The following CRISPLD1 variants were observed in gnomAD, a reference collection of about 807,000 sequenced individuals.
CRISPLD1 encodes cysteine-rich secretory protein LCCL domain-containing 1.
CRISPLD1 carries 60 observed loss-of-function variants against 77.5 expected under a neutral mutation model. That is an observed-to-expected ratio of 0.77 (90% CI 0.63 to 0.96). The LOEUF (loss-of-function observed/expected upper bound fraction) is 0.96. Among genes scored for constraint, CRISPLD1 ranks in the 40% least tolerant of loss-of-function variants. The probability of loss-of-function intolerance (pLI) is 0.00; values close to 1 mark genes in which losing one functional copy is unlikely to be tolerated. For synonymous variants in CRISPLD1, 195 were observed against 200.1 expected (o/e 0.97, Z 0.22); for missense variants, 623 against 615.8 (o/e 1.01, Z -0.12).
intron 2 of CRISPLD1, among the ~76,000 whole-genome samples, chr8:75,003,918 A>G: frequency 6.6e-6 from 1 of 152,196 alleles, no homozygotes. Flanking sequence ...ATGTAATATT[A>G]AATGTGATAT....
chr8:75,009,050 T>G (rs922776699), intron 2 of CRISPLD1, among the ~76,000 whole-genome samples: 24 of 152,198 alleles, frequency 1.6e-4, no homozygotes, highest in African/African-American at 4.6e-4. Flanking sequence ...CACCTAAGAT[T>G]GTAGAATCGT....
intron 2 of CRISPLD1, chr8:75,000,246 A>T: frequency 2.0e-6 from 2 of 985,290 alleles, no homozygotes; most frequent in Non-Finnish European, 2.4e-6. Context: ...CTGTATCTGA[A>T]ATAGTGAATG....
chr8:74,995,587 A>G (rs116599702), intron 2 of CRISPLD1, among the ~76,000 whole-genome samples: 1,530 of 152,186 alleles, frequency 0.01, 25 homozygotes, highest in African/African-American at 0.034. Flanking sequence ...CCATCCTTCT[A>G]CTTCAGCCTC....
intron 10 of CRISPLD1, among the ~76,000 whole-genome samples, chr8:75,017,682 C>A (rs1004459680): frequency 1.3e-5 from 2 of 152,098 alleles, no homozygotes; most frequent in African/African-American, 2.4e-5. Context: ...TTTTGAGTTT[C>A]ATTAAAAATG....
chr8:75,023,305 A>G (rs1045207421), intron 12 of CRISPLD1, among the ~76,000 whole-genome samples: 2 of 152,236 alleles, frequency 1.3e-5, no homozygotes, highest in Non-Finnish European at 2.9e-5. Flanking sequence ...ATGCAGAGCA[A>G]GTGATTTTAA....
At chr8:75,022,601 A>G (rs1341012222) in intron 12 of CRISPLD1, among the ~76,000 whole-genome samples, 7 of 151,646 alleles carry the variant, frequency 4.6e-5, no homozygotes, top group Admixed American at 3.3e-4. Context: ...AAAAAAAAAA[A>G]AAAAGAAAAA....
chr8:74,990,734 T>C (rs1001014994), intron 2 of CRISPLD1, among the ~76,000 whole-genome samples: 16 of 148,128 alleles, frequency 1.1e-4, no homozygotes, highest in African/African-American at 3.5e-4. Flanking sequence ...TGTTGATTAA[T>C]ATCACTAACA....
chr8:75,014,969 C>A, intron 6 of CRISPLD1, 57 bp downstream of exon 6: 1 of 1,182,728 alleles, frequency 8.5e-7, no homozygotes, highest in Non-Finnish European at 1.2e-6. Context: ...CCAGCTCCTG[C>A]ATTACTTATG....
intron 2 of CRISPLD1, among the ~76,000 whole-genome samples, chr8:74,994,776 G>A (rs1036244112): frequency 6.6e-6 from 1 of 152,220 alleles, no homozygotes. Flanking sequence ...ATGTCTTTGG[G>A]ATTTTATTTC....
rs1353136517 is a variant in CRISPLD1 at position 75,016,900 on chromosome 8, A to C, written c.888A>C (p.Glu296Asp). ...TTGTAGCCCAAATTGTTTCTTGTGA[A>C]GTAAGATTAAGAGATCAGTGCAAAG... ...AQQMSQIVSC[E>D]VRLRDQCKGT... Residue 296 changes from glutamate to aspartate, a missense_variant, in exon 8 of 15, where the codon GAA becomes GAC. Physicochemically the swap from Glu to Asp is conservative, Grantham distance 45 (BLOSUM62 2). Transcript: ENST00000262207. 1.3e-6 allele frequency: 2 copies of C among 1,570,984 alleles called. No homozygotes were observed. Among genetic ancestry groups the C allele is most frequent in the South Asian group, 2.4e-5 (2 of 83,600 alleles).
At chr8:75,032,138 T>G in intron 14 of CRISPLD1, 53 bp from the exon 15 acceptor site, 1 of 1,232,600 alleles carries the variant, frequency 8.1e-7, no homozygotes. Context: ...GTAAGAAGGA[T>G]TATGTATAGA....
intron 2 of CRISPLD1, among the ~76,000 whole-genome samples, chr8:74,988,321 T>C (rs1481606754): frequency 2.6e-5 from 4 of 152,240 alleles, no homozygotes; most frequent in African/African-American, 7.2e-5. Flanking sequence ...AGCTATTTCC[T>C]GTAAAATCTC....
intron 13 of CRISPLD1, chr8:75,026,952 T>C (rs1813245617): frequency 1.3e-5 from 2 of 152,188 alleles, no homozygotes; most frequent in Non-Finnish European, 2.9e-5. Context: ...AAATACAGTA[T>C]TTTTGCAAAT....
At chr8:75,016,360 A>G (rs1019643375) in intron 6 of CRISPLD1, among the ~76,000 whole-genome samples, 2 of 152,192 alleles carry the variant, frequency 1.3e-5, no homozygotes, top group Admixed American at 6.5e-5. Context: ...ACATAAATGA[A>G]TCAAGGACTT....
chr8:75,003,696 A>G (rs1812783068), intron 2 of CRISPLD1, among the ~76,000 whole-genome samples: 1 of 152,206 alleles, frequency 6.6e-6, no homozygotes, highest in Non-Finnish European at 1.5e-5. Context: ...TTAAAGTACC[A>G]TCAATTATAT....
At chr8:75,004,645 A>G (rs185257845) in intron 2 of CRISPLD1, among the ~76,000 whole-genome samples, 8 of 152,252 alleles carry the variant, frequency 5.3e-5, no homozygotes, top group African/African-American at 1.7e-4. Context: ...AAATAGGAAA[A>G]CACAAAAGAT....
At chr8:75,022,325 G>A (rs1489289442) in intron 12 of CRISPLD1, among the ~76,000 whole-genome samples, 1 of 151,870 alleles carries the variant, frequency 6.6e-6, no homozygotes, top group East Asian at 1.9e-4. Flanking sequence ...GGTGGCTCAC[G>A]CCTGTAATCC....
intron 2 of CRISPLD1, among the ~76,000 whole-genome samples, chr8:74,998,940 T>C (rs2128782161): frequency 6.6e-6 from 1 of 152,114 alleles, no homozygotes; most frequent in Middle Eastern, 3.4e-3. Flanking sequence ...GGATTAACTT[T>C]TTAAGTATTC....
chr8:75,017,987 C>A (rs1563400564), intron 10 of CRISPLD1, among the ~76,000 whole-genome samples: 2 of 151,990 alleles, frequency 1.3e-5, no homozygotes, highest in Non-Finnish European at 2.9e-5. Context: ...TACCAAATAC[C>A]TTATTCGAAA....
Sources: allele counts gnomAD v4.1 joint callset (sites outside exome capture counted in the v4.1 genomes callset), GRCh38; gene constraint gnomAD v4.1.1; transcripts MANE v1.5; gene names NCBI Gene and HGNC (gene_info 2026-07-23, HGNC 2026-07-21).